CNTNAP3: variants seen among roughly 807,000 people sequenced by gnomAD.
The protein encoded by CNTNAP3 is contactin-associated protein-like 3.
Under a neutral mutation model 92.1 loss-of-function variants are expected in CNTNAP3, and 36 were observed. That is an observed-to-expected ratio of 0.39 (90% CI 0.30 to 0.52). CNTNAP3 has a LOEUF of 0.52. Among genes scored for constraint, CNTNAP3 ranks in the 20% least tolerant of loss-of-function variants. The pLI, the probability that CNTNAP3 is intolerant of heterozygous loss-of-function variation, is 0.76. For synonymous variants in CNTNAP3, 232 were observed against 422.3 expected, an observed-to-expected ratio of 0.55 and a Z score of 5.53; for missense variants, 534 against 1,069.6, an observed-to-expected ratio of 0.50 and a Z score of 6.98.
chr9:39,132,250 A>T (rs10081698), intron 13 of CNTNAP3, among the ~76,000 whole-genome samples: 1 of 152,130 alleles, frequency 6.6e-6, no homozygotes, highest in Admixed American at 6.5e-5. Context: ...GGAGAGCAGC[A>T]GTGAGTCCTG....
chr9:39,103,877 A>G lies in CNTNAP3; in HGVS notation c.2403T>C (p.Thr801=), dbSNP rs1429086683. The G allele has an allele frequency of 3.7e-6, 6 of 1,610,910 alleles. No homozygotes were observed. Among genetic ancestry groups the G allele is most frequent in the Non-Finnish European group, 5.1e-6 (6 of 1,179,554 alleles). Residue 801 remains threonine (T), a synonymous_variant, in exon 16 of 24, where the codon ACT becomes ACC. Transcript: ENST00000297668. ...GGAAAGCAGGGAAATGAAGGTATGA[A>G]GTCTCAGTGTTGAAGGAAGCTGAAT... ...FWNSASFNTE[T]SYLHFPAFHG...
chr9:39,099,641 C>A (rs1206660086), intron 18 of CNTNAP3, among the ~76,000 whole-genome samples: 1 of 152,068 alleles, frequency 6.6e-6, no homozygotes, highest in Non-Finnish European at 1.5e-5. Flanking sequence ...TTTTGAAAAC[C>A]AAATTATTTC....
At chr9:39,120,521 A>T (rs1820991711) in intron 13 of CNTNAP3, among the ~76,000 whole-genome samples, 1 of 152,110 alleles carries the variant, frequency 6.6e-6, no homozygotes, top group African/African-American at 2.4e-5. Context: ...AATACAAAAA[A>T]TAGACGAGCG....
intron 10 of CNTNAP3, among the ~76,000 whole-genome samples, chr9:39,147,781 A>G (rs555732801): frequency 3.7e-4 from 56 of 152,218 alleles, no homozygotes; most frequent in Non-Finnish European, 1.9e-4. Context: ...AACAGCCTAT[A>G]ACAGTAAAAA....
rs373277128 is a variant in CNTNAP3, at chr9:39,099,971, G to T, written c.2935C>A (p.Arg979Ser). 8.7e-6 allele frequency: 14 copies of T among 1,605,818 alleles called. No individual in the cohort carries two copies. The highest frequency in any genetic ancestry group is 1.1e-5 in the South Asian group (1 of 89,924). Residue 979 changes from arginine to serine, a missense_variant, in exon 18 of 24, where the codon CGC (arginine) becomes AGC (serine). Coordinates refer to ENST00000297668, the MANE Select transcript of CNTNAP3 (RefSeq NM_033655.5). ...CRNGGRCREK[R>S]RGVTCDCAFS... is the part of the protein sequence containing the mutation. ...GCACAGTCACAGGTGACCCCCCTGC[G>T]TTTCTCTCTGCATCTCCCTCCATTG...
rs1378130337 is a variant in CNTNAP3, at chr9:39,103,760, G to C, written c.2520C>G (p.Ile840Met). 5 of 1,610,970 alleles carry C rather than the reference G, an allele frequency of 3.1e-6. No homozygotes were observed. Among genetic ancestry groups the C allele is most frequent in the Admixed American group, 1.7e-5 (1 of 59,982 alleles). The change falls in exon 16 of 24, where the codon ATC becomes ATG. Residue 840 changes from isoleucine (I) to methionine (M), a missense_variant. Coordinates refer to ENST00000297668, the MANE Select transcript of CNTNAP3 (RefSeq NM_033655.5). ...CGAGCTTACCACGCAGCTCAATCCTGATGAAATCTGTGATCCCCAGGTTCT... is the reference window on the plus strand; with the variant it reads ...CGAGCTTACCACGCAGCTCAATCCTCATGAAATCTGTGATCCCCAGGTTCT... The part of the protein sequence containing the change: ...FMENLGITDF[I>M]RIELRAPTEV...
At chr9:39,146,493 T>A (rs1375251181) in intron 10 of CNTNAP3, among the ~76,000 whole-genome samples, 1 of 152,090 alleles carries the variant, frequency 6.6e-6, no homozygotes, top group Non-Finnish European at 1.5e-5. Flanking sequence ...ATCGAGACCA[T>A]CCTGGCTAAC....
chr9:39,099,996 G>A lies in CNTNAP3; in HGVS notation c.2910C>T (p.Arg970=), dbSNP rs1175727963. 6.3e-7 allele frequency: 1 copy of A among 1,593,278 alleles called. No individual in the cohort carries two copies. The highest frequency in any genetic ancestry group is 2.3e-5 in the East Asian group (1 of 44,096). The change falls in exon 18 of 24, where the codon CGC becomes CGT. Residue 970 remains arginine (R), a synonymous_variant. Coordinates refer to ENST00000297668, the MANE Select transcript of CNTNAP3 (RefSeq NM_033655.5). ...GTTTCTCTCTGCATCTCCCTCCATT[G>A]CGACACAAGTGTCCATAGGTGCTGC... The part of the protein sequence containing the change: ...GHCSTYGHLC[R]NGGRCREKRR...
intron 13 of CNTNAP3, among the ~76,000 whole-genome samples, chr9:39,121,940 C>A (rs3119732): frequency 1.3e-5 from 2 of 151,098 alleles, no homozygotes; most frequent in East Asian, 1.9e-4. Flanking sequence ...AAATACCCAG[C>A]ACCAGCCCCC....
chr9:39,142,745 T>C (rs1417219156), intron 11 of CNTNAP3, among the ~76,000 whole-genome samples: 1 of 151,912 alleles, frequency 6.6e-6, no homozygotes, highest in African/African-American at 2.4e-5. Flanking sequence ...TCATACTTCA[T>C]GCTTCAATCT....
At chr9:39,159,083 G>A (rs1822018425) in intron 9 of CNTNAP3, 1 of 146,908 alleles carries the variant, frequency 6.8e-6, no homozygotes, top group Non-Finnish European at 1.5e-5. Flanking sequence ...TACAATTTGG[G>A]TTGTGGTTGC....
In CNTNAP3 at chr9:39,069,724, T is replaced by A. The variant is rs961595073; in HGVS notation, c.*4166A>T. ...TTTATGTAACCTTCTTAAGGTTACATTTGCACTTAAGTATACCAACTTAAA... is the reference window on the plus strand; with the variant it reads ...TTTATGTAACCTTCTTAAGGTTACAATTGCACTTAAGTATACCAACTTAAA... On this transcript the variant is annotated 3_prime_UTR_variant, in exon 24 of 24. Coordinates refer to ENST00000297668, the MANE Select transcript of CNTNAP3 (RefSeq NM_033655.5). Among the ~76,000 whole-genome samples, 3 of 152,304 alleles carry A rather than the reference T, an allele frequency of 2.0e-5. No homozygotes were observed. The highest frequency in any genetic ancestry group is 7.2e-5 in the African/African-American group (3 of 41,480).
At chr9:39,098,586 T>A (rs1274766549) in intron 18 of CNTNAP3, among the ~76,000 whole-genome samples, 1 of 152,160 alleles carries the variant, frequency 6.6e-6, no homozygotes, top group Non-Finnish European at 1.5e-5. Flanking sequence ...GATTTAGAAA[T>A]CAGCACTTGT....
chr9:39,128,466 T>C (rs1418720338), intron 13 of CNTNAP3, among the ~76,000 whole-genome samples: 3 of 151,736 alleles, frequency 2.0e-5, no homozygotes, highest in East Asian at 3.9e-4. Flanking sequence ...AGAAGAAATA[T>C]AATATTTTAA....
intron 15 of CNTNAP3, among the ~76,000 whole-genome samples, 184 bp from the exon 16 acceptor site, chr9:39,104,098 T>A (rs955714523): frequency 6.6e-6 from 1 of 152,018 alleles, no homozygotes; most frequent in African/African-American, 2.4e-5. Context: ...GTGATTATGG[T>A]GAGGATTAGA....
intron 13 of CNTNAP3, among the ~76,000 whole-genome samples, chr9:39,124,725 G>T (rs1204109688): frequency 6.6e-6 from 1 of 152,026 alleles, no homozygotes; most frequent in Non-Finnish European, 1.5e-5. Flanking sequence ...CTCAAAAGAA[G>T]ACATTTATGC....
intron 13 of CNTNAP3, among the ~76,000 whole-genome samples, chr9:39,121,956 C>T (rs1821033380): frequency 6.6e-6 from 1 of 152,152 alleles, no homozygotes; most frequent in African/African-American, 2.4e-5. Flanking sequence ...CCCCCTCTAC[C>T]CTTCTTTTCT....
chr9:39,109,139 C>CT (rs766588100), intron 15 of CNTNAP3, 21 bp downstream of exon 15: 8 of 1,599,452 alleles, frequency 5.0e-6, no homozygotes, highest in Non-Finnish European at 6.8e-6. Context: ...GAAAATAAAG[C>CT]TTTTTCTTGA....
chr9:39,168,199 A>G (rs2118217963), intron 8 of CNTNAP3, among the ~76,000 whole-genome samples: 1 of 141,186 alleles, frequency 7.1e-6, no homozygotes, highest in Non-Finnish European at 1.6e-5. Context: ...TTGTATTTTT[A>G]GTAGAGATGG....
Sources: gnomAD v4.1 joint callset for allele counts (sites outside exome capture counted in the v4.1 genomes callset) on GRCh38, gnomAD v4.1.1 for gene constraint, MANE v1.5 for transcripts, NCBI Gene and HGNC (gene_info 2026-07-23, HGNC 2026-07-21) for gene names.